MAF: variants seen among roughly 807,000 people sequenced by gnomAD.
The protein encoded by MAF is transcription factor Maf.
In MAF, 10 loss-of-function variants were observed where a neutral mutation model predicts 22.0. The observed-to-expected ratio is 0.45, with a 90% CI of 0.28 to 0.77. MAF has a LOEUF of 0.77. MAF is among the 30% of genes least tolerant of loss of function. The pLI, the probability that MAF is intolerant of heterozygous loss-of-function variation, is 0.12. For synonymous variants in MAF, 337 were observed against 255.8 expected, an observed-to-expected ratio of 1.32 and a Z score of -3.03; for missense variants, 544 against 548.4, an observed-to-expected ratio of 0.99 and a Z score of 0.08.
chr16:79,263,560 G>T, the MAF span, among the ~76,000 whole-genome samples: 8 of 152,288 alleles, frequency 5.3e-5, no homozygotes, highest in African/African-American at 1.9e-4. Flanking sequence ...CCCTTGTGGG[G>T]CCCAGGATTC....
chr16:79,240,944 AG>A, the MAF span, among the ~76,000 whole-genome samples: 5 of 152,176 alleles, frequency 3.3e-5, no homozygotes, highest in Admixed American at 3.3e-4. Context: ...GCAGACCTGG[AG>A]GGGCCTTACC....
At chr16:79,217,725 T>G in the MAF span, among the ~76,000 whole-genome samples, 5 of 152,182 alleles carry the variant, frequency 3.3e-5, no homozygotes. Context: ...GTGGCCAGTT[T>G]CCACTTTCAC....
chr16:79,300,718 CA>C, the MAF span, among the ~76,000 whole-genome samples: 14 of 147,076 alleles, frequency 9.5e-5, no homozygotes, highest in Admixed American at 7.4e-4. Context: ...TTTGGAGAGA[CA>C]AAAAAAATTC....
At chr16:79,528,534 G>C in the MAF span, among the ~76,000 whole-genome samples, 1 of 152,132 alleles carries the variant, frequency 6.6e-6, no homozygotes, top group Non-Finnish European at 1.5e-5. Flanking sequence ...TCAGCATGAA[G>C]GATCTTGGCA....
chr16:79,272,335 C>T, the MAF span, among the ~76,000 whole-genome samples: 1 of 152,234 alleles, frequency 6.6e-6, no homozygotes, highest in African/African-American at 2.4e-5. Flanking sequence ...ATGAAAAGTG[C>T]AGAGACCTAA....
the MAF span, among the ~76,000 whole-genome samples, chr16:79,276,804 T>C: frequency 6.6e-6 from 1 of 152,090 alleles, no homozygotes; most frequent in Non-Finnish European, 1.5e-5. Context: ...CAACAGAAAT[T>C]CATTCTCCCC....
chr16:79,487,865 T>G, the MAF span, among the ~76,000 whole-genome samples: 1 of 152,322 alleles, frequency 6.6e-6, no homozygotes. Context: ...TGCTTTCATC[T>G]CTGCGTATGG....
chr16:79,541,498 A>T, the MAF span, among the ~76,000 whole-genome samples: 174 of 151,982 alleles, frequency 1.1e-3, 1 homozygote, highest in African/African-American at 4.0e-3. Context: ...AAAATAATAA[A>T]TGCTGCTACA....
chr16:79,300,159 G>A, the MAF span, among the ~76,000 whole-genome samples: 1 of 152,200 alleles, frequency 6.6e-6, no homozygotes, highest in African/African-American at 2.4e-5. Context: ...TAGGCATAAT[G>A]GCTAATGATT....
At chr16:79,520,313 C>T in the MAF span, among the ~76,000 whole-genome samples, 17 of 152,188 alleles carry the variant, frequency 1.1e-4, no homozygotes, top group African/African-American at 4.1e-4. Context: ...CCTAAGAGAC[C>T]CTTCAGTGTC....
the MAF span, among the ~76,000 whole-genome samples, chr16:79,575,366 C>A: frequency 6.6e-6 from 1 of 152,194 alleles, no homozygotes; most frequent in Non-Finnish European, 1.5e-5. Flanking sequence ...AGGAGACAGT[C>A]AGCTATCTTT....
the MAF span, among the ~76,000 whole-genome samples, chr16:79,574,528 G>A: frequency 6.6e-6 from 1 of 152,142 alleles, no homozygotes; most frequent in Admixed American, 6.5e-5. Context: ...TAGTTCAAGT[G>A]CTGGCTCTGG....
the MAF span, among the ~76,000 whole-genome samples, chr16:79,546,870 A>C: frequency 6.6e-6 from 1 of 152,148 alleles, no homozygotes; most frequent in Non-Finnish European, 1.5e-5. Flanking sequence ...GACTTATATG[A>C]CATGTTTATG....
chr16:79,217,558 T>A, the MAF span, among the ~76,000 whole-genome samples: 1 of 152,216 alleles, frequency 6.6e-6, no homozygotes, highest in African/African-American at 2.4e-5. Flanking sequence ...GTTCTGACTG[T>A]AAGTTGGTCT....
At chr16:79,303,986 G>C in the MAF span, among the ~76,000 whole-genome samples, 1 of 152,228 alleles carries the variant, frequency 6.6e-6, no homozygotes, top group South Asian at 2.1e-4. Context: ...CTGGCTCCAA[G>C]AGTGTTTGGA....
At chr16:79,428,705 A>C in the MAF span, among the ~76,000 whole-genome samples, 1 of 151,964 alleles carries the variant, frequency 6.6e-6, no homozygotes, top group African/African-American at 2.4e-5. Flanking sequence ...AAAATTATCC[A>C]GGCATGGTTT....
the MAF span, among the ~76,000 whole-genome samples, chr16:79,211,196 C>G: frequency 1.3e-5 from 2 of 152,116 alleles, no homozygotes; most frequent in South Asian, 2.1e-4. Context: ...GTTTGTCAGA[C>G]AGAAGGTTCT....
the MAF span, among the ~76,000 whole-genome samples, chr16:79,463,952 T>C: frequency 1.4e-5 from 2 of 140,958 alleles, no homozygotes; most frequent in East Asian, 4.2e-4. Context: ...GACAAAACCC[T>C]GGAAAGAGCT....
chr16:79,224,574 C>G, the MAF span, among the ~76,000 whole-genome samples: 268 of 152,304 alleles, frequency 1.8e-3, no homozygotes, highest in Non-Finnish European at 2.6e-3. Flanking sequence ...CAAATTGTCT[C>G]TGTTTACAGA....
Sources: gnomAD v4.1 joint callset for allele counts (sites outside exome capture counted in the v4.1 genomes callset) on GRCh38, gnomAD v4.1.1 for gene constraint, MANE v1.5 for transcripts, NCBI Gene and HGNC (gene_info 2026-07-23, HGNC 2026-07-21) for gene names.